The following PLD1 variants were observed in gnomAD, a reference collection of about 807,000 sequenced individuals.
PLD1 encodes choline phosphatase 1.
PLD1 carries 112 observed loss-of-function variants against 137.1 expected under a neutral mutation model. The observed-to-expected ratio is 0.82, with a 90% CI of 0.70 to 0.96. PLD1 has a LOEUF of 0.96. Ranked by LOEUF, PLD1 falls within the 40% of genes least tolerant of loss-of-function variation. The probability of loss-of-function intolerance (pLI) is 0.00; values close to 1 mark genes in which losing one functional copy is unlikely to be tolerated. For missense variants in PLD1, 1,321 were observed against 1,342.0 expected (o/e 0.98, Z 0.24); for synonymous variants, 431 against 454.7 (o/e 0.95, Z 0.66).
At chr3:171,671,129 C>T (rs1032643980) in intron 19 of PLD1, among the ~76,000 whole-genome samples, 3 of 152,202 alleles carry the variant, frequency 2.0e-5, no homozygotes, top group Non-Finnish European at 4.4e-5. Flanking sequence ...CATACCACAC[C>T]ACCTTGTGTG....
At chr3:171,620,819 AG>A (rs1215404056) in intron 23 of PLD1, among the ~76,000 whole-genome samples, 5 of 146,086 alleles carry the variant, frequency 3.4e-5, no homozygotes, top group African/African-American at 1.3e-4. Context: ...CCCTTTGCTA[AG>A]GCAATCCAAA....
rs370438164 is a variant in PLD1 at position 171,667,348 on chromosome 3, C to A, written c.2230-5178G>T. Among the ~76,000 whole-genome samples, 10 of 152,284 alleles carry A rather than the reference C, an allele frequency of 6.6e-5. 1 individual carries two copies. Among genetic ancestry groups the A allele is most frequent in the African/African-American group, 2.4e-4 (10 of 41,568 alleles). On this transcript the variant is annotated intron_variant, in intron 19 of 26. Coordinates refer to ENST00000351298, the MANE Select transcript of PLD1 (RefSeq NM_002662.5). ...CCTGTCTCATCTTATCAAGCTCTTT[C>A]TTTTCATAGCCACTTTTCTAGTTGA...
intron 21 of PLD1, among the ~76,000 whole-genome samples, chr3:171,645,557 C>T (rs935200592): frequency 6.6e-6 from 1 of 152,064 alleles, no homozygotes; most frequent in Admixed American, 6.6e-5. Context: ...TCTGAGTTTT[C>T]AGCTGTAAAA....
At chr3:171,606,036 G>A (rs866095667) in intron 25 of PLD1, among the ~76,000 whole-genome samples, 38 of 152,264 alleles carry the variant, frequency 2.5e-4, no homozygotes, top group South Asian at 8.3e-4. Context: ...ACACACTCTG[G>A]GGGGCAAGGG....
At chr3:171,770,165 T>C (rs73879827) in intron 1 of PLD1, among the ~76,000 whole-genome samples, 7,133 of 152,266 alleles carry the variant, frequency 0.047, 574 homozygotes, top group African/African-American at 0.16. Flanking sequence ...ACTATACTTT[T>C]ATGTTTTACA....
intron 19 of PLD1, among the ~76,000 whole-genome samples, chr3:171,671,977 T>C (rs3774034): frequency 0.5 from 74,642 of 148,548 alleles, 19,891 homozygotes; most frequent in African/African-American, 0.67. Flanking sequence ...ACTCCAGGTG[T>C]AGCCCCCACC....
intron 23 of PLD1, among the ~76,000 whole-genome samples, chr3:171,624,272 C>T (rs1363258612): frequency 2.0e-5 from 3 of 152,048 alleles, no homozygotes; most frequent in Non-Finnish European, 2.9e-5. Flanking sequence ...GAAAAGATAT[C>T]CATCTTGACT....
At chr3:171,671,243 T>C (rs888426795) in intron 19 of PLD1, among the ~76,000 whole-genome samples, 2 of 152,238 alleles carry the variant, frequency 1.3e-5, no homozygotes, top group Non-Finnish European at 2.9e-5. Flanking sequence ...TATATATCCA[T>C]TATCATGCTG....
intron 24 of PLD1, among the ~76,000 whole-genome samples, chr3:171,614,178 T>C (rs1308859729): frequency 6.6e-6 from 1 of 152,146 alleles, no homozygotes; most frequent in Non-Finnish European, 1.5e-5. Context: ...TGGCCCTGGG[T>C]AACAGAGAAA....
chr3:171,718,090 A>G (rs1360506969), intron 8 of PLD1, among the ~76,000 whole-genome samples: 1 of 152,246 alleles, frequency 6.6e-6, no homozygotes, highest in African/African-American at 2.4e-5. Flanking sequence ...GAAGATTCAA[A>G]TAAACACAAT....
intron 1 of PLD1, among the ~76,000 whole-genome samples, chr3:171,774,710 T>G (rs1367601355): frequency 6.6e-6 from 1 of 152,196 alleles, no homozygotes; most frequent in Non-Finnish European, 1.5e-5. Flanking sequence ...CGCAGCAGCA[T>G]GCGCACTGGC....
At chr3:171,688,618 C>T in intron 14 of PLD1, 58 bp downstream of exon 14, 1 of 1,312,336 alleles carries the variant, frequency 7.6e-7, no homozygotes, top group Non-Finnish European at 1.1e-6. Context: ...GCTACTAATA[C>T]AAACTTATAC....
At chr3:171,771,835 C>T (rs369141695) in intron 1 of PLD1, among the ~76,000 whole-genome samples, 30 of 152,216 alleles carry the variant, frequency 2.0e-4, no homozygotes, top group Non-Finnish European at 4.0e-4. Context: ...TCAAATCCAA[C>T]GATTAACATA....
chr3:171,656,089 TA>T (rs35608149), intron 21 of PLD1, among the ~76,000 whole-genome samples: 2 of 152,200 alleles, frequency 1.3e-5, no homozygotes, highest in Non-Finnish European at 2.9e-5. Flanking sequence ...GAGCAGCTCA[TA>T]AGATCACTAG....
intron 3 of PLD1, among the ~76,000 whole-genome samples, 158 bp from the exon 4 acceptor site, chr3:171,735,795 A>G (rs190634160): frequency 1.1e-4 from 17 of 152,348 alleles, no homozygotes; most frequent in South Asian, 6.2e-4. Context: ...AAAGCAGCCA[A>G]TTGCAGAAAT....
chr3:171,733,303 G>A, intron 6 of PLD1, 141 bp downstream of exon 6: 1 of 533,544 alleles, frequency 1.9e-6, no homozygotes, highest in Admixed American at 3.8e-5. Flanking sequence ...AATCAACTTT[G>A]TATTCACTTA....
At position 171,724,356 on chromosome 3, in the gene PLD1, A is replaced by T. The variant is rs1428488604; in HGVS notation, c.758+340T>A. 6.6e-5 allele frequency among the ~76,000 whole-genome samples: 10 copies of T among 152,224 alleles called. No individual in the cohort carries two copies. In the East Asian group the frequency reaches 1.9e-3, roughly 29 times the overall value. On this transcript the variant is annotated intron_variant, in intron 8 of 26. Coordinates refer to ENST00000351298, the MANE Select transcript of PLD1 (RefSeq NM_002662.5). The stretch of plus-strand genomic sequence containing the variant: ...TTATAGCCATCCTTATGGGTGTGAA[A>T]TTGTATCTCATTGTGGATTTGACTT...
At chr3:171,799,277 T>A (rs1416668407) in intron 1 of PLD1, among the ~76,000 whole-genome samples, 1 of 141,452 alleles carries the variant, frequency 7.1e-6, no homozygotes, top group Non-Finnish European at 1.5e-5. Context: ...CGGTGGAGGT[T>A]GCAGTGAGCC....
In PLD1 at chr3:171,801,431, T is replaced by C. The variant is rs554778374; in HGVS notation, c.-32+8968A>G. Among the ~76,000 whole-genome samples the C allele has an allele frequency of 5.3e-5, 8 of 152,350 alleles. No homozygotes were observed. The East Asian group carries it at 1.3e-3, about 26-fold the overall frequency. On this transcript the variant is annotated intron_variant, in intron 1 of 26. Coordinates refer to ENST00000351298, the MANE Select transcript of PLD1 (RefSeq NM_002662.5). ...GTTTCTGGCATGCCTTTCTTTTTGT[T>C]TCTTGTTTTTGTTTTGAGACGGAGT...
Sources: gnomAD v4.1 joint callset for allele counts (sites outside exome capture counted in the v4.1 genomes callset) on GRCh38, gnomAD v4.1.1 for gene constraint, MANE v1.5 for transcripts, NCBI Gene and HGNC (gene_info 2026-07-23, HGNC 2026-07-21) for gene names.